Variants in SCARB2 observed in about 807,000 individuals in gnomAD.
The protein encoded by SCARB2 is scavenger receptor class B member 2, also known as lysosome membrane protein 2.
In SCARB2, 29 loss-of-function variants were observed where a neutral mutation model predicts 58.6. The observed-to-expected ratio is 0.49, with a 90% CI of 0.37 to 0.67. The LOEUF is 0.67. Ranked by LOEUF, SCARB2 falls within the 30% of genes least tolerant of loss-of-function variation. SCARB2 has a pLI of 0.00. For synonymous variants in SCARB2, 195 were observed against 210.1 expected, an observed-to-expected ratio of 0.93 and a Z score of 0.62; for missense variants, 488 against 578.5, an observed-to-expected ratio of 0.84 and a Z score of 1.60.
intron 1 of SCARB2, among the ~76,000 whole-genome samples, chr4:76,204,723 G>A (rs1732895426): frequency 6.6e-6 from 1 of 152,086 alleles, no homozygotes; most frequent in Non-Finnish European, 1.5e-5. Flanking sequence ...TAAGAAATAA[G>A]GCCACGGAAA....
chr4:76,185,365 C>A (rs1467425625), intron 2 of SCARB2, among the ~76,000 whole-genome samples: 1 of 152,134 alleles, frequency 6.6e-6, no homozygotes, highest in Non-Finnish European at 1.5e-5. Flanking sequence ...AAAACAACAA[C>A]AAAAAACAAA....
chr4:76,199,109 T>C (rs1053247503), intron 1 of SCARB2, among the ~76,000 whole-genome samples: 1 of 152,164 alleles, frequency 6.6e-6, no homozygotes, highest in South Asian at 2.1e-4. Context: ...ACCTTATCTC[T>C]GAGTTTTACA....
chr4:76,172,918 A>G (rs1288703641), intron 7 of SCARB2: 3 of 152,196 alleles, frequency 2.0e-5, no homozygotes, highest in African/African-American at 7.2e-5. Flanking sequence ...AATTTTAAAG[A>G]GGAATTACAG....
At chr4:76,223,580 T>G (rs2109981308) in intron 1 of SCARB2, among the ~76,000 whole-genome samples, 1 of 152,328 alleles carries the variant, frequency 6.6e-6, no homozygotes, top group South Asian at 2.1e-4. Context: ...GACGTTGCAT[T>G]GGAACCACCT....
At chr4:76,214,532 G>A (rs1733162946), upstream of SCARB2, 2 of 345,346 alleles carry the variant, frequency 5.8e-6, no homozygotes, top group Non-Finnish European at 1.2e-5. Flanking sequence ...GAGGTGTTGA[G>A]GCCCCAAGAG....
chr4:76,232,644 C>T (rs2109986648), intron 1 of SCARB2, among the ~76,000 whole-genome samples: 1 of 152,070 alleles, frequency 6.6e-6, no homozygotes, highest in East Asian at 1.9e-4. Flanking sequence ...AAAATATAAC[C>T]TAAACAAGAT....
At chr4:76,222,922 G>C (rs568494759) in intron 1 of SCARB2, among the ~76,000 whole-genome samples, 32 of 152,178 alleles carry the variant, frequency 2.1e-4, no homozygotes, top group Non-Finnish European at 3.5e-4. Flanking sequence ...GAAAGGCAGG[G>C]GGGGAAGAGG....
chr4:76,180,683 C>A, intron 3 of SCARB2: 1 of 214,072 alleles, frequency 4.7e-6, no homozygotes. Flanking sequence ...TATTTATTTG[C>A]ACAATTGCTA....
intron 1 of SCARB2, among the ~76,000 whole-genome samples, chr4:76,210,536 T>C (rs1470516749): frequency 2.0e-5 from 3 of 152,240 alleles, no homozygotes; most frequent in Non-Finnish European, 4.4e-5. Context: ...AAGCTCTCTC[T>C]TCATGAAGGC....
At chr4:76,210,761 TAA>T (rs1733028123) in intron 1 of SCARB2, among the ~76,000 whole-genome samples, 2 of 152,216 alleles carry the variant, frequency 1.3e-5, no homozygotes. Context: ...TGGCCAAAAT[TAA>T]AAGTCTCTCT....
rs769720371 is a variant in SCARB2, at chr4:76,166,302, C to T, written c.1188-1G>A. 4 of 1,614,116 alleles carry T rather than the reference C, an allele frequency of 2.5e-6. No individual in the cohort carries two copies. The highest frequency in any genetic ancestry group is 3.4e-6 in the Non-Finnish European group (4 of 1,179,974). On this transcript the variant is annotated splice_acceptor_variant, in intron 9 of 11. Transcript: ENST00000264896. LOFTEE classifies it high-confidence loss of function. Reference sequence around the variant, plus strand: ...CATGGTTCTAATGTCTCCCGTTTCACTACAAAGACAAAGGATGAGATTGTT... The same window carrying T: ...CATGGTTCTAATGTCTCCCGTTTCATTACAAAGACAAAGGATGAGATTGTT...
intron 11 of SCARB2, chr4:76,162,815 A>G (rs1731926570): frequency 6.2e-6 from 2 of 320,248 alleles, no homozygotes; most frequent in Non-Finnish European, 1.2e-5. Flanking sequence ...CATTTTACAG[A>G]TGAAGAAACT....
At chr4:76,209,938 A>T (rs1733006126) in intron 1 of SCARB2, among the ~76,000 whole-genome samples, 1 of 152,070 alleles carries the variant, frequency 6.6e-6, no homozygotes, top group Admixed American at 6.5e-5. Context: ...CATCCCTATT[A>T]CTGGGAGACA....
intron 6 of SCARB2, 40 bp from the exon 7 acceptor site, chr4:76,174,353 G>A (rs928612152): frequency 6.2e-7 from 1 of 1,602,160 alleles, no homozygotes; most frequent in Non-Finnish European, 8.5e-7. Flanking sequence ...GTGGACTCTG[G>A]TCAGTGTAAT....
At chr4:76,196,054 AAGTC>A (rs1218502961) in intron 1 of SCARB2, among the ~76,000 whole-genome samples, 190 bp from the exon 2 acceptor site, 1 of 152,212 alleles carries the variant, frequency 6.6e-6, no homozygotes, top group African/African-American at 2.4e-5. Flanking sequence ...CAGTTCTAAT[AAGTC>A]AGAGAAGGCC....
chr4:76,209,779 T>A (rs1164562684), intron 1 of SCARB2, among the ~76,000 whole-genome samples: 1 of 152,180 alleles, frequency 6.6e-6, no homozygotes, highest in Non-Finnish European at 1.5e-5. Context: ...GAAGGGGAAG[T>A]GTATTTGTCC....
At chr4:76,187,090 T>C (rs1732502139) in intron 2 of SCARB2, among the ~76,000 whole-genome samples, 1 of 152,156 alleles carries the variant, frequency 6.6e-6, no homozygotes, top group African/African-American at 2.4e-5. Context: ...ATAAACAAAA[T>C]TCCTGCCTTT....
At chr4:76,174,521 T>G in intron 6 of SCARB2, 1 of 568,412 alleles carries the variant, frequency 1.8e-6, no homozygotes, top group Admixed American at 2.9e-5. Flanking sequence ...GTAGCAACGG[T>G]GATATCATCC....
At chr4:76,172,384 T>C (rs1302146436) in intron 7 of SCARB2, among the ~76,000 whole-genome samples, 2 of 151,866 alleles carry the variant, frequency 1.3e-5, no homozygotes, top group Non-Finnish European at 2.9e-5. Flanking sequence ...GCCTCCTGGG[T>C]ATCTGGAACT....
Sources: allele counts gnomAD v4.1 joint callset (sites outside exome capture counted in the v4.1 genomes callset), GRCh38; gene constraint gnomAD v4.1.1; transcripts MANE v1.5; gene names NCBI Gene and HGNC (gene_info 2026-07-23, HGNC 2026-07-21).